PRMT1: variants seen among roughly 807,000 people sequenced by gnomAD.
PRMT1 encodes the protein protein arginine methyltransferase 1.
PRMT1 carries 5 observed loss-of-function variants against 47.4 expected under a neutral mutation model. That is an observed-to-expected ratio of 0.11 (90% CI 0.06 to 0.22). The LOEUF (loss-of-function observed/expected upper bound fraction) is 0.22, where lower values mean the gene tolerates loss of function less well. Among genes scored for constraint, PRMT1 ranks in the 10% least tolerant of loss-of-function variants. PRMT1 has a pLI of 1.00. For synonymous variants in PRMT1, 227 were observed against 204.6 expected, an observed-to-expected ratio of 1.11 and a Z score of -0.94; for missense variants, 249 against 518.4, an observed-to-expected ratio of 0.48 and a Z score of 5.05.
Position 49,688,076 on chromosome 19 carries a change from G to A in PRMT1, c.1033-86G>A. 8.5e-7 allele frequency: 1 copy of A among 1,181,926 alleles called. No individual in the cohort carries two copies. The highest frequency in any genetic ancestry group is 1.3e-6 in the Non-Finnish European group (1 of 786,788). 73.2% of individuals were successfully genotyped at this position (1,181,926 alleles called of 1,614,324 possible). A position where few individuals can be genotyped will look rare whatever the true frequency, so the allele number is the denominator to read the frequency against. Reference sequence around the variant, plus strand: ...GAGATGGGCAGGAAGCTGGAGCCCGGCTCATCGTCGCATAGCCTGCCTGCA... The same window carrying A: ...GAGATGGGCAGGAAGCTGGAGCCCGACTCATCGTCGCATAGCCTGCCTGCA... On this transcript the variant is annotated intron_variant, in intron 10 of 10. Coordinates refer to ENST00000454376, the MANE Select transcript of PRMT1 (RefSeq NM_001536.6). This position sits in a 1 kb window ranked among gnomAD's most constrained non-coding sequence, Gnocchi z 5.3.
rs1203914488 is a variant in PRMT1 at position 49,688,296 on chromosome 19, G to A, written c.*51G>A. The A allele has an allele frequency of 1.3e-5, 20 of 1,575,212 alleles. No homozygotes were observed. The highest frequency in any genetic ancestry group is 1.7e-5 in the Admixed American group (1 of 59,910). On this transcript the variant is annotated 3_prime_UTR_variant, in exon 11 of 11. Transcript: ENST00000454376. This position sits in a 1 kb window ranked among gnomAD's most constrained non-coding sequence, Gnocchi z 5.3. ...GCCCAGGGGCTGAGCGTTCCTAGGC[G>A]GTTTCGGGGCTCCCCCTTCCTCTCC...
Position 49,684,093 on chromosome 19 carries a change from C to A in PRMT1, c.555+24C>A, listed in dbSNP as rs1411617800. 3.1e-6 allele frequency: 5 copies of A among 1,612,726 alleles called. No homozygotes were observed. Among genetic ancestry groups the A allele is most frequent in the Non-Finnish European group, 4.2e-6 (5 of 1,179,052 alleles). Reference sequence around the variant, plus strand: ...TGGTGAGGCCCCAGCGGGACGGGTGCAGCTCGCGTGGGCTGGGGTCCAGGT... The same window carrying A: ...TGGTGAGGCCCCAGCGGGACGGGTGAAGCTCGCGTGGGCTGGGGTCCAGGT... On this transcript the variant is annotated intron_variant, in intron 6 of 10. Coordinates refer to ENST00000454376, the MANE Select transcript of PRMT1 (RefSeq NM_001536.6). This position sits in a 1 kb window ranked among gnomAD's most constrained non-coding sequence, Gnocchi z 6.2.
intron 1 of PRMT1, chr19:49,677,521 G>C (rs531330280): frequency 9.0e-5 from 38 of 422,058 alleles, no homozygotes; most frequent in African/African-American, 7.6e-4. Flanking sequence ...CCGGCCTAGC[G>C]GAGGGTCTTA....
intron 1 of PRMT1, 109 bp from the exon 2 acceptor site, chr19:49,679,763 A>T: frequency 1.3e-6 from 1 of 789,166 alleles, no homozygotes; most frequent in Non-Finnish European, 2.2e-6. Context: ...CCCACCAAGA[A>T]GGAGAATTGC....
At chr19:49,677,367 T>G (rs925065613) in intron 1 of PRMT1, 51 bp downstream of exon 1, 7 of 1,353,126 alleles carry the variant, frequency 5.2e-6, no homozygotes, top group Non-Finnish European at 6.7e-6. Context: ...GGGTCGGTGT[T>G]TCACGCCTCT....
At chr19:49,682,367 G>A in intron 5 of PRMT1, 108 bp downstream of exon 5, 1 of 1,209,444 alleles carries the variant, frequency 8.3e-7, no homozygotes, top group Non-Finnish European at 1.2e-6. Context: ...AGATTCAGCA[G>A]CTCCCAACCC....
intron 1 of PRMT1, chr19:49,677,604 G>A (rs933345416): frequency 1.5e-5 from 5 of 340,126 alleles, no homozygotes; most frequent in Non-Finnish European, 2.7e-5. Flanking sequence ...CGCGGTGGGT[G>A]GGGAGGGGGT....
Position 49,679,671 on chromosome 19 carries a change from A to G in PRMT1, c.37-201A>G, listed in dbSNP as rs2082086341. On this transcript the variant is annotated intron_variant, in intron 1 of 10. Transcript: ENST00000454376. The stretch of plus-strand genomic sequence containing the variant: ...TCTCTCCAGCCACAGCTGGGATAGG[A>G]GACCCCCCTTTCTTCTCCCCTCACT... 4.5e-6 allele frequency: 3 copies of G among 662,496 alleles called. No individual in the cohort carries two copies. In the South Asian group the frequency reaches 4.6e-5, roughly 10 times the overall value. The allele number at this position is 662,496 out of a possible 1,614,324, so 41.0% of individuals were successfully genotyped here. A position where few individuals can be genotyped will look rare whatever the true frequency, so the allele number is the denominator to read the frequency against.
chr19:49,679,506 T>A (rs542174208), intron 1 of PRMT1: 16 of 537,174 alleles, frequency 3.0e-5, no homozygotes, highest in African/African-American at 2.3e-4. Context: ...TGTCAGGAAG[T>A]GTCACCTAAT....
intron 1 of PRMT1, chr19:49,679,473 G>A (rs2082083141): frequency 1.4e-5 from 7 of 493,730 alleles, no homozygotes; most frequent in Admixed American, 6.9e-5. Context: ...GCTATTCATG[G>A]CACCCTAGGA....
In PRMT1 at chr19:49,682,084, C is replaced by T. The variant is rs1837756733; in HGVS notation, c.348+19C>T. 6.2e-7 allele frequency: 1 copy of T among 1,613,796 alleles called. No individual in the cohort carries two copies. Among genetic ancestry groups the T allele is most frequent in the Non-Finnish European group, 8.5e-7 (1 of 1,179,792 alleles). Reference sequence around the variant, plus strand: ...CATCGGGGTGAGTCTCCAGGGTGGCCAGGCGGGGCCGGGCCTGAGGGATGG... The same window carrying T: ...CATCGGGGTGAGTCTCCAGGGTGGCTAGGCGGGGCCGGGCCTGAGGGATGG... On this transcript the variant is annotated intron_variant, in intron 4 of 10. Coordinates refer to ENST00000454376, the MANE Select transcript of PRMT1 (RefSeq NM_001536.6).
chr19:49,687,954 T>G, intron 10 of PRMT1: 2 of 609,332 alleles, frequency 3.3e-6, no homozygotes, highest in East Asian at 2.8e-5. Context: ...TACTCCTGAG[T>G]GAGTCTAGTG....
At chr19:49,677,743 G>C (rs1393139292) in intron 1 of PRMT1, 1 of 158,634 alleles carries the variant, frequency 6.3e-6, no homozygotes, top group Non-Finnish European at 1.4e-5. Context: ...CCTCCCCGGG[G>C]ACCTGGGCAC....
Position 49,685,361 on chromosome 19 carries a change from A to G in PRMT1, c.759+324A>G. The G allele has an allele frequency of 7.9e-7, 1 of 1,272,534 alleles. No homozygotes were observed. The highest frequency in any genetic ancestry group is 1.0e-6 in the Non-Finnish European group (1 of 996,702). 78.8% of individuals were successfully genotyped at this position (1,272,534 alleles called of 1,614,324 possible). The stretch of plus-strand genomic sequence containing the variant: ...GATGCACATGCACGCGGGCCACTGC[A>G]GAAGAGCACGGGGCCAGGCTGGGCT... On this transcript the variant is annotated intron_variant, in intron 8 of 10. Transcript: ENST00000454376. This position sits in a 1 kb window ranked among gnomAD's most constrained non-coding sequence, Gnocchi z 4.7.
chr19:49,681,903 G>A lies in PRMT1; in HGVS notation c.193-7G>A. ...CTCACGGCGTCTCTGTGCCATTCTTGCCCTAGGAGATGCTGAAGGACGAGG... is the reference window on the plus strand; with the variant it reads ...CTCACGGCGTCTCTGTGCCATTCTTACCCTAGGAGATGCTGAAGGACGAGG... On this transcript the variant is annotated splice_polypyrimidine_tract_variant and splice_region_variant and intron_variant, in intron 3 of 10. Coordinates refer to ENST00000454376, the MANE Select transcript of PRMT1 (RefSeq NM_001536.6). The surrounding 1 kb of genome is among the most constrained non-coding windows in gnomAD (Gnocchi z 4.4). The A allele has an allele frequency of 1.9e-6, 3 of 1,612,228 alleles. No homozygotes were observed. Among genetic ancestry groups the A allele is most frequent in the South Asian group, 2.2e-5 (2 of 90,938 alleles).
At chr19:49,677,811 G>A (rs2082059939) in intron 1 of PRMT1, among the ~76,000 whole-genome samples, 1 of 152,132 alleles carries the variant, frequency 6.6e-6, no homozygotes, top group Non-Finnish European at 1.5e-5. Flanking sequence ...CTCTTGGGAG[G>A]AGCAGTGCTT....
rs897687106 is a variant in PRMT1, at chr19:49,688,387, G to C, written c.*142G>C. 1.4e-5 allele frequency: 10 copies of C among 717,472 alleles called. No individual in the cohort carries two copies. Among genetic ancestry groups the C allele is most frequent in the East Asian group, 2.7e-5 (1 of 37,266 alleles). 44.4% of individuals were successfully genotyped at this position (717,472 alleles called of 1,614,324 possible). The stretch of plus-strand genomic sequence containing the variant: ...GGGATGGGGAGGGCACATCGTGACT[G>C]TGTTTTTCATAACTTATGTTTTTAT... On this transcript the variant is annotated 3_prime_UTR_variant, in exon 11 of 11. Transcript: ENST00000454376. The surrounding 1 kb of genome is among the most constrained non-coding windows in gnomAD (Gnocchi z 5.3).
At chr19:49,683,687 CAAAAA>C (rs34880220) in intron 5 of PRMT1, 577 of 226,350 alleles carry the variant, frequency 2.5e-3, no homozygotes, top group East Asian at 3.6e-3. Context: ...GACTCCGTCT[CAAAAA>C]AAAAAAAAAA....
Position 49,681,792 on chromosome 19 carries a change from A to G in PRMT1, c.193-118A>G. ...ATGAATAAATATAAAAGGGAAACTG[A>G]GGTGCATGGAAGAAAGCGAGAGGGC... On this transcript the variant is annotated intron_variant, in intron 3 of 10. Coordinates refer to ENST00000454376, the MANE Select transcript of PRMT1 (RefSeq NM_001536.6). The surrounding 1 kb of genome is among the most constrained non-coding windows in gnomAD (Gnocchi z 4.4). The G allele has an allele frequency of 1.4e-6, 1 of 709,150 alleles. No individual in the cohort carries two copies. Among genetic ancestry groups the G allele is most frequent in the Non-Finnish European group, 2.1e-6 (1 of 478,688 alleles). The allele number at this position is 709,150 out of a possible 1,614,324, so 43.9% of individuals were successfully genotyped here. A position where few individuals can be genotyped will look rare whatever the true frequency, so the allele number is the denominator to read the frequency against.
Sources: allele counts gnomAD v4.1 joint callset (sites outside exome capture counted in the v4.1 genomes callset), GRCh38; gene constraint gnomAD v4.1.1; non-coding constraint Gnocchi (gnomAD v3.1); transcripts MANE v1.5; gene names NCBI Gene and HGNC (gene_info 2026-07-23, HGNC 2026-07-21).